Variants in GADL1 observed in about 807,000 individuals in gnomAD.
GADL1 encodes the protein GAD like acidic amino acid decarboxylase 1.
Under a neutral mutation model 69.5 loss-of-function variants are expected in GADL1, and 71 were observed. That is an observed-to-expected ratio of 1.02 (90% CI 0.84 to 1.25). The LOEUF (loss-of-function observed/expected upper bound fraction) is 1.25, where lower values mean the gene tolerates loss of function less well. Ranked by LOEUF, GADL1 falls within the 50% of genes most tolerant of loss-of-function variation. The probability of loss-of-function intolerance (pLI) is 0.00; values close to 1 mark genes in which losing one functional copy is unlikely to be tolerated. For missense variants in GADL1, 737 were observed against 631.8 expected (o/e 1.17, Z -1.79); for synonymous variants, 254 against 214.4 (o/e 1.18, Z -1.62).
intron 8 of GADL1, among the ~76,000 whole-genome samples, chr3:30,843,131 T>C (rs371566479): frequency 1.3e-5 from 2 of 152,230 alleles, no homozygotes; most frequent in East Asian, 3.9e-4. Context: ...TTGCTACCTA[T>C]TGGAAGGTTA....
intron 13 of GADL1, among the ~76,000 whole-genome samples, chr3:30,781,064 G>GA (rs1324261264): frequency 3.3e-5 from 5 of 152,086 alleles, no homozygotes; most frequent in African/African-American, 9.7e-5. Context: ...GGTGTCCTGA[G>GA]AACACATTTA....
intron 1 of GADL1, among the ~76,000 whole-genome samples, chr3:30,879,878 G>A (rs1698620867): frequency 6.6e-6 from 1 of 151,830 alleles, no homozygotes; most frequent in Non-Finnish European, 1.5e-5. Flanking sequence ...AATGTAGAAA[G>A]CCCAAGGCAA....
intron 12 of GADL1, among the ~76,000 whole-genome samples, chr3:30,790,162 G>A (rs537330566): frequency 2.0e-5 from 3 of 152,264 alleles, no homozygotes; most frequent in Admixed American, 1.3e-4. Context: ...GGCCATTGTA[G>A]AGTTATTAGT....
intron 4 of GADL1, among the ~76,000 whole-genome samples, chr3:30,853,190 C>A (rs544963128): frequency 2.0e-5 from 3 of 152,224 alleles, no homozygotes; most frequent in Middle Eastern, 3.4e-3. Flanking sequence ...CTTCTCTCCC[C>A]ACTCTATACT....
intron 12 of GADL1, among the ~76,000 whole-genome samples, chr3:30,789,082 T>G (rs1052473311): frequency 6.6e-6 from 1 of 152,194 alleles, no homozygotes; most frequent in African/African-American, 2.4e-5. Context: ...TTCAATTCAC[T>G]TTGCCCAGAT....
chr3:30,857,882 G>A lies in GADL1; in HGVS notation c.211-741C>T, dbSNP rs540697285. Among the ~76,000 whole-genome samples the A allele has an allele frequency of 5.9e-5, 9 of 151,978 alleles. No homozygotes were observed. In the East Asian group the frequency reaches 7.8e-4, roughly 13 times the overall value. On this transcript the variant is annotated intron_variant, in intron 2 of 14. Coordinates refer to ENST00000282538, the MANE Select transcript of GADL1 (RefSeq NM_207359.3). ...ACTACACGAGGGAGGTTCCCATACT[G>A]GGGTCTCTGCACTGTGTGTGCCCTC...
intron 12 of GADL1, chr3:30,798,420 C>A (rs1697092783): frequency 6.6e-6 from 1 of 152,536 alleles, no homozygotes; most frequent in African/African-American, 2.4e-5. Context: ...AAAGCAGAAA[C>A]CCCTGATAAA....
chr3:30,774,976 A>G lies in GADL1; in HGVS notation c.1392+3203T>C, dbSNP rs140257864. On this transcript the variant is annotated intron_variant, in intron 14 of 14. Transcript: ENST00000282538. ...GAGGCAGAGAGACCAGAAAAGAGACAAATACAATCTAGGTAGGGAAGTAAT... is the reference window on the plus strand; with the variant it reads ...GAGGCAGAGAGACCAGAAAAGAGACGAATACAATCTAGGTAGGGAAGTAAT... 2.5e-3 allele frequency among the ~76,000 whole-genome samples: 374 copies of G among 152,248 alleles called. 1 individual carries two copies. The highest frequency in any genetic ancestry group is 4.6e-3 in the Admixed American group (70 of 15,302).
At chr3:30,778,312 CT>C in intron 13 of GADL1, 44 bp from the exon 14 acceptor site, 1 of 1,219,926 alleles carries the variant, frequency 8.2e-7, no homozygotes, top group Non-Finnish European at 1.2e-6. Flanking sequence ...TAAGATTTAT[CT>C]TAGAATGCAA....
intron 11 of GADL1, among the ~76,000 whole-genome samples, chr3:30,827,515 C>A (rs774209429): frequency 3.9e-4 from 59 of 151,750 alleles, no homozygotes; most frequent in Admixed American, 3.3e-4. Context: ...ACCAACAAAT[C>A]CTAAAAATGT....
intron 13 of GADL1, among the ~76,000 whole-genome samples, chr3:30,784,353 C>T (rs1696742016): frequency 6.6e-6 from 1 of 152,020 alleles, no homozygotes; most frequent in East Asian, 1.9e-4. Flanking sequence ...TCACTACTCC[C>T]TCTGTTTTCC....
At chr3:30,791,803 A>T (rs1297469044) in intron 12 of GADL1, among the ~76,000 whole-genome samples, 17 of 152,076 alleles carry the variant, frequency 1.1e-4, no homozygotes, top group Admixed American at 1.1e-3. Flanking sequence ...AGGTAATTGA[A>T]TCATGTGGGT....
chr3:30,810,091 T>C (rs969198961), intron 11 of GADL1, among the ~76,000 whole-genome samples: 17 of 152,164 alleles, frequency 1.1e-4, no homozygotes. Flanking sequence ...TGTTTGAGCT[T>C]GTTGTCTTGC....
intron 12 of GADL1, among the ~76,000 whole-genome samples, chr3:30,789,097 CAG>C (rs1045622878): frequency 2.6e-5 from 4 of 152,182 alleles, no homozygotes; most frequent in African/African-American, 9.6e-5. Flanking sequence ...CCAGATCTAT[CAG>C]AGGAATCACT....
chr3:30,884,802 T>C (rs1236913710), intron 1 of GADL1, among the ~76,000 whole-genome samples: 1 of 151,936 alleles, frequency 6.6e-6, no homozygotes, highest in Non-Finnish European at 1.5e-5. Flanking sequence ...GATAAATATT[T>C]ATTGAGGGAG....
intron 14 of GADL1, among the ~76,000 whole-genome samples, chr3:30,752,674 C>T (rs962454337): frequency 7.9e-5 from 12 of 152,158 alleles, no homozygotes; most frequent in East Asian, 3.9e-4. Flanking sequence ...AGCACTGTGA[C>T]AGTAGCAGAA....
At chr3:30,894,355 G>C (rs1553604768) in intron 1 of GADL1, among the ~76,000 whole-genome samples, 3 of 152,178 alleles carry the variant, frequency 2.0e-5, no homozygotes, top group Non-Finnish European at 2.9e-5. Context: ...TGTCTTAGGC[G>C]CGGTTCTTCG....
intron 1 of GADL1, among the ~76,000 whole-genome samples, chr3:30,876,076 A>T (rs1698572897): frequency 6.6e-6 from 1 of 151,986 alleles, no homozygotes; most frequent in Admixed American, 6.6e-5. Flanking sequence ...ATTGTGTGTA[A>T]GGTCTAATTC....
At chr3:30,775,617 G>T (rs1696519757) in intron 14 of GADL1, among the ~76,000 whole-genome samples, 2 of 152,112 alleles carry the variant, frequency 1.3e-5, no homozygotes, top group South Asian at 2.1e-4. Context: ...GTTGTTACTA[G>T]ATCAGGCAAG....
Sources: allele counts gnomAD v4.1 joint callset (sites outside exome capture counted in the v4.1 genomes callset), GRCh38; gene constraint gnomAD v4.1.1; transcripts MANE v1.5; gene names NCBI Gene and HGNC (gene_info 2026-07-23, HGNC 2026-07-21).